VAMP7: variants seen among roughly 807,000 people sequenced by gnomAD.
VAMP7 encodes the protein vesicle-associated membrane protein 7.
VAMP7 carries 14 observed loss-of-function variants against 29.6 expected under a neutral mutation model. The observed-to-expected ratio is 0.47, with a 90% CI of 0.31 to 0.74. The LOEUF is 0.74. VAMP7 is among the 30% of genes least tolerant of loss of function. The pLI is 0.05. For synonymous variants in VAMP7, 95 were observed against 88.1 expected (o/e 1.08, Z -0.44); for missense variants, 223 against 262.4 (o/e 0.85, Z 1.04).
intron 2 of VAMP7, among the ~76,000 whole-genome samples, chrX:155,893,372 A>T (rs28375338): frequency 6.6e-6 from 1 of 152,172 alleles, no homozygotes; most frequent in Non-Finnish European, 1.5e-5. Flanking sequence ...CTACAACAAA[A>T]CATGAGAGTG....
At chrX:155,895,553 T>C (rs1214932659) in intron 2 of VAMP7, 70 bp from the exon 3 acceptor site, 9 of 1,178,374 alleles carry the variant, frequency 7.6e-6, no homozygotes, top group Middle Eastern at 1.9e-4. Flanking sequence ...TGCTTATACA[T>C]AGATAGAAGA....
chrX:155,933,203 T>C (rs1442018169), intron 6 of VAMP7, among the ~76,000 whole-genome samples: 1 of 152,210 alleles, frequency 6.6e-6, no homozygotes, highest in Non-Finnish European at 1.5e-5. Context: ...GGTATCAGGA[T>C]GATGCTGGCC....
At chrX:155,884,223 G>C (rs768385162) in intron 1 of VAMP7, among the ~76,000 whole-genome samples, 2 of 151,920 alleles carry the variant, frequency 1.3e-5, no homozygotes, top group Admixed American at 1.3e-4. Context: ...CACTTCCCGG[G>C]TTCAAGCGAT....
chrX:155,894,536 A>G (rs901501739), intron 2 of VAMP7, among the ~76,000 whole-genome samples: 1 of 151,580 alleles, frequency 6.6e-6, no homozygotes, highest in Non-Finnish European at 1.5e-5. Flanking sequence ...TTACTTTCCT[A>G]AATCTATTAG....
intron 5 of VAMP7, among the ~76,000 whole-genome samples, chrX:155,906,170 C>T (rs766878811): frequency 1.1e-4 from 17 of 152,308 alleles, no homozygotes; most frequent in South Asian, 4.2e-4. Context: ...GTCTCATCCT[C>T]GGGCTCTGTC....
intron 5 of VAMP7, among the ~76,000 whole-genome samples, chrX:155,915,983 GGAGTCT>G (rs1200278730): frequency 1.3e-5 from 2 of 152,120 alleles, no homozygotes; most frequent in African/African-American, 4.8e-5. Context: ...TTATTGTGTG[GGAGTCT>G]GAGTCTCTTT....
chrX:155,939,446 G>GC (rs372893393), intron 6 of VAMP7, among the ~76,000 whole-genome samples: 401 of 152,288 alleles, frequency 2.6e-3, no homozygotes, highest in African/African-American at 9.2e-3. Context: ...CACTTCTGGT[G>GC]CTCAACATCA....
intron 7 of VAMP7, 122 bp downstream of exon 7, chrX:155,939,915 C>A: frequency 1.2e-6 from 1 of 835,074 alleles, no homozygotes; most frequent in Non-Finnish European, 2.0e-6. Context: ...AATAGTGAAA[C>A]ACATGACCAG....
At chrX:155,912,442 T>A (rs1010299004) in intron 5 of VAMP7, among the ~76,000 whole-genome samples, 3 of 152,098 alleles carry the variant, frequency 2.0e-5, no homozygotes, top group Non-Finnish European at 4.4e-5. Context: ...ACACATGCCA[T>A]GGTGGTTTGC....
intron 4 of VAMP7, among the ~76,000 whole-genome samples, chrX:155,900,228 A>G (rs1450044532): frequency 1.3e-5 from 2 of 151,878 alleles, no homozygotes; most frequent in Non-Finnish European, 2.9e-5. Context: ...AGTCACATGT[A>G]TATTTGATAT....
At chrX:155,904,535 C>G (rs946479668) in intron 5 of VAMP7, among the ~76,000 whole-genome samples, 2 of 151,990 alleles carry the variant, frequency 1.3e-5, no homozygotes, top group African/African-American at 4.8e-5. Context: ...TTGCTGCGAT[C>G]AATTTTGTAA....
At chrX:155,885,011 G>C (rs2065848918) in intron 1 of VAMP7, among the ~76,000 whole-genome samples, 1 of 152,128 alleles carries the variant, frequency 6.6e-6, no homozygotes, top group Non-Finnish European at 1.5e-5. Flanking sequence ...TATAAATAAT[G>C]CTATCCATGA....
intron 5 of VAMP7, among the ~76,000 whole-genome samples, chrX:155,912,621 T>G (rs949260239): frequency 2.0e-5 from 3 of 152,148 alleles, no homozygotes; most frequent in African/African-American, 7.2e-5. Flanking sequence ...TTTGGTTTTC[T>G]GTTCCTTTCT....
intron 6 of VAMP7, among the ~76,000 whole-genome samples, chrX:155,922,215 C>CT (rs1569447031): frequency 6.6e-6 from 1 of 151,826 alleles, no homozygotes; most frequent in African/African-American, 2.4e-5. Flanking sequence ...ACATTCCTGC[C>CT]TTTTATTTTC....
intron 5 of VAMP7, among the ~76,000 whole-genome samples, chrX:155,919,260 T>G (rs1169799629): frequency 2.6e-5 from 4 of 152,226 alleles, no homozygotes; most frequent in Non-Finnish European, 5.9e-5. Flanking sequence ...ACTTTATTAC[T>G]GATTCAATCC....
chrX:155,890,866 C>T (rs1204569607), intron 2 of VAMP7, among the ~76,000 whole-genome samples: 1 of 152,164 alleles, frequency 6.6e-6, no homozygotes, highest in East Asian at 1.9e-4. Flanking sequence ...ACCCCTTATA[C>T]AGTTTAAGGT....
At chrX:155,927,334 G>A (rs943260571) in intron 6 of VAMP7, among the ~76,000 whole-genome samples, 15 of 150,496 alleles carry the variant, frequency 1.0e-4, no homozygotes, top group African/African-American at 2.2e-4. Context: ...AAACCTGCAC[G>A]TTCTGCACAT....
intron 2 of VAMP7, among the ~76,000 whole-genome samples, chrX:155,894,805 G>A (rs774697503): frequency 2.6e-5 from 4 of 151,960 alleles, no homozygotes; most frequent in African/African-American, 7.2e-5. Flanking sequence ...GTGTACAGAC[G>A]GGGTTTTGCC....
intron 6 of VAMP7, among the ~76,000 whole-genome samples, chrX:155,930,371 T>A (rs2066530366): frequency 6.6e-6 from 1 of 151,998 alleles, no homozygotes; most frequent in Admixed American, 6.6e-5. Context: ...GCATGGTAGC[T>A]CATACCTATA....
Sources: allele counts gnomAD v4.1 joint callset (sites outside exome capture counted in the v4.1 genomes callset), GRCh38; gene constraint gnomAD v4.1.1; transcripts MANE v1.5; gene names NCBI Gene and HGNC (gene_info 2026-07-23, HGNC 2026-07-21).